Variants in ENTREP2 observed in about 807,000 individuals in gnomAD.
ENTREP2 encodes the protein endosomal transmembrane epsin interactor 2, also known as protein ENTREP2.
At chr15:29,545,320 T>C in the ENTREP2 span, among the ~76,000 whole-genome samples, 21 of 152,342 alleles carry the variant, frequency 1.4e-4, no homozygotes, top group South Asian at 6.2e-4. Flanking sequence ...TTTGAAATTA[T>C]GCTGTCAATG....
At chr15:29,472,756 C>A in the ENTREP2 span, among the ~76,000 whole-genome samples, 2 of 152,156 alleles carry the variant, frequency 1.3e-5, 1 homozygote, top group South Asian at 4.1e-4. Context: ...TGAGCCACTG[C>A]ACCCGGCCTA....
At chr15:29,646,339 G>A in the ENTREP2 span, among the ~76,000 whole-genome samples, 3 of 152,088 alleles carry the variant, frequency 2.0e-5, no homozygotes, top group Non-Finnish European at 4.4e-5. Flanking sequence ...CTGAAGGCTC[G>A]AGGAATAACC....
the ENTREP2 span, among the ~76,000 whole-genome samples, chr15:29,477,745 C>T: frequency 6.6e-6 from 1 of 151,994 alleles, no homozygotes; most frequent in African/African-American, 2.4e-5. Context: ...ACCCCATACA[C>T]AGGGGAGACT....
the ENTREP2 span, among the ~76,000 whole-genome samples, chr15:29,409,956 G>A: frequency 1.3e-5 from 2 of 152,070 alleles, no homozygotes; most frequent in African/African-American, 2.4e-5. Context: ...ATATCTTCAG[G>A]GCTCCCAGGA....
At chr15:29,224,668 A>G in the ENTREP2 span, among the ~76,000 whole-genome samples, 9 of 152,142 alleles carry the variant, frequency 5.9e-5, no homozygotes, top group African/African-American at 1.7e-4. Flanking sequence ...TGTATTTACA[A>G]TCCCTTAGCT....
chr15:29,150,003 T>C, the ENTREP2 span, among the ~76,000 whole-genome samples: 1 of 152,202 alleles, frequency 6.6e-6, no homozygotes, highest in African/African-American at 2.4e-5. Flanking sequence ...TGCACAGTAT[T>C]TTCTGCTGGT....
chr15:29,254,969 G>C, the ENTREP2 span, among the ~76,000 whole-genome samples: 1 of 152,160 alleles, frequency 6.6e-6, no homozygotes, highest in Admixed American at 6.5e-5. Context: ...GTCATTATGA[G>C]CCAAGAACTT....
chr15:29,265,600 A>T, the ENTREP2 span: 1 of 152,230 alleles, frequency 6.6e-6, no homozygotes, highest in Non-Finnish European at 1.5e-5. Context: ...GATTGTGCCA[A>T]TGCACTCCAG....
the ENTREP2 span, among the ~76,000 whole-genome samples, chr15:29,415,449 AC>A: frequency 1.1e-4 from 17 of 152,130 alleles, no homozygotes; most frequent in Admixed American, 9.8e-4. Context: ...GAATTCAACA[AC>A]CCTTCATGCT....
the ENTREP2 span, among the ~76,000 whole-genome samples, chr15:29,392,039 A>G: frequency 1.3e-5 from 2 of 152,042 alleles, no homozygotes; most frequent in Non-Finnish European, 1.5e-5. Flanking sequence ...TGTGTTAGCC[A>G]GGATGGTCTC....
chr15:29,650,579 T>A, the ENTREP2 span, among the ~76,000 whole-genome samples: 6 of 149,598 alleles, frequency 4.0e-5, no homozygotes, highest in African/African-American at 1.5e-4. Flanking sequence ...GGTAACAGAG[T>A]GAGACTCCAT....
At chr15:29,566,336 TG>T in the ENTREP2 span, among the ~76,000 whole-genome samples, 2 of 151,762 alleles carry the variant, frequency 1.3e-5, no homozygotes, top group African/African-American at 4.8e-5. Flanking sequence ...TTTTTTGTAT[TG>T]TTTTTTTTAG....
chr15:29,448,917 T>C, the ENTREP2 span, among the ~76,000 whole-genome samples: 70,531 of 151,966 alleles, frequency 0.46, 17,170 homozygotes, highest in Non-Finnish European at 0.53. Flanking sequence ...AGGAGCCTGA[T>C]TCCAAGAACA....
the ENTREP2 span, among the ~76,000 whole-genome samples, chr15:29,651,149 A>G: frequency 6.6e-6 from 1 of 152,214 alleles, no homozygotes; most frequent in African/African-American, 2.4e-5. Flanking sequence ...TGAATTAACA[A>G]CTAGAAGACC....
the ENTREP2 span, among the ~76,000 whole-genome samples, chr15:29,128,203 T>A: frequency 6.6e-6 from 1 of 152,184 alleles, no homozygotes; most frequent in Non-Finnish European, 1.5e-5. Flanking sequence ...TCACTTGGCC[T>A]CCGTGCCCTT....
the ENTREP2 span, among the ~76,000 whole-genome samples, chr15:29,262,053 A>T: frequency 6.6e-6 from 1 of 151,308 alleles, no homozygotes; most frequent in Non-Finnish European, 1.5e-5. Flanking sequence ...TGATAAAATA[A>T]ATAAACTCCC....
At chr15:29,490,337 T>C in the ENTREP2 span, among the ~76,000 whole-genome samples, 1 of 152,176 alleles carries the variant, frequency 6.6e-6, no homozygotes, top group Non-Finnish European at 1.5e-5. Flanking sequence ...AGCCTAAGAG[T>C]GAGCAGTGGC....
the ENTREP2 span, among the ~76,000 whole-genome samples, chr15:29,625,991 C>T: frequency 1.3e-5 from 2 of 151,940 alleles, no homozygotes; most frequent in African/African-American, 4.8e-5. Context: ...GAATTACAGG[C>T]ATGTGCCACC....
chr15:29,625,928 C>A, the ENTREP2 span, among the ~76,000 whole-genome samples: 5 of 152,010 alleles, frequency 3.3e-5, no homozygotes, highest in African/African-American at 4.8e-5. Context: ...CTCACTGCAA[C>A]CTCCGCCTCC....
Sources: gnomAD v4.1 joint callset for allele counts (sites outside exome capture counted in the v4.1 genomes callset) on GRCh38, gnomAD v4.1.1 for gene constraint, MANE v1.5 for transcripts, NCBI Gene and HGNC (gene_info 2026-07-23, HGNC 2026-07-21) for gene names.